LY6G6C: variants seen among roughly 807,000 people sequenced by gnomAD.
LY6G6C encodes the protein lymphocyte antigen 6 family member G6C, also known as lymphocyte antigen 6 complex locus protein G6c.
Under a neutral mutation model 12.8 loss-of-function variants are expected in LY6G6C, and 12 were observed. The observed-to-expected ratio is 0.94, with a 90% CI of 0.60 to 1.52. LY6G6C has a LOEUF of 1.52. LY6G6C is among the 40% of genes most tolerant of loss of function. The pLI is 0.00. For synonymous variants in LY6G6C, 42 were observed against 61.6 expected (o/e 0.68, Z 1.49); for missense variants, 125 against 155.8 (o/e 0.80, Z 1.05).
intron 2 of LY6G6C, among the ~76,000 whole-genome samples, chr6:31,719,613 T>G (rs1342312942): frequency 2.0e-5 from 3 of 152,166 alleles, no homozygotes; most frequent in Non-Finnish European, 4.4e-5. Flanking sequence ...CTCAGCTCAC[T>G]GCAACCTCCG....
chr6:31,720,037 C>A lies in LY6G6C; in HGVS notation c.163+56G>T. The A allele has an allele frequency of 7.9e-7, 1 of 1,261,302 alleles. No individual in the cohort carries two copies. The highest frequency in any genetic ancestry group is 1.2e-6 in the Non-Finnish European group (1 of 864,172). The allele number at this position is 1,261,302 out of a possible 1,614,324, so 78.1% of individuals were successfully genotyped here. On this transcript the variant is annotated intron_variant, in intron 2 of 2. Transcript: ENST00000375819. The surrounding 1 kb of genome is among the most constrained non-coding windows in gnomAD (Gnocchi z 4.9). ...GTCTTAGACCCATTTGGGCCTCAGT[C>A]CTGGTCATAGAGGCTCCCACCTCCC...
At position 31,718,891 on chromosome 6, in the gene LY6G6C, G is replaced by T; in HGVS notation, c.*205C>A. On this transcript the variant is annotated 3_prime_UTR_variant, in exon 3 of 3. Transcript: ENST00000375819. ...CCTTCTAGGAGCCAATGGAGGTCCT[G>T]GAAGGAAGTGGGAAGGGACCCAGAA... is the stretch of plus-strand genomic sequence containing the variant. 1.7e-6 allele frequency: 1 copy of T among 587,264 alleles called. No homozygotes were observed. The allele number at this position is 587,264 out of a possible 1,614,324, so 36.4% of individuals were successfully genotyped here. A position where few individuals can be genotyped will look rare whatever the true frequency, so the allele number is the denominator to read the frequency against.
chr6:31,719,356 C>T, intron 2 of LY6G6C, 46 bp from the exon 3 acceptor site: 1 of 1,562,182 alleles, frequency 6.4e-7, no homozygotes. Flanking sequence ...GGGCACCTGG[C>T]ATGCCTGTGT....
chr6:31,719,164 G>A lies in LY6G6C; in HGVS notation c.310C>T (p.Pro104Ser), dbSNP rs751425951. The A allele has an allele frequency of 6.2e-6, 10 of 1,613,992 alleles. No homozygotes were observed. The highest frequency in any genetic ancestry group is 4.0e-5 in the African/African-American group (3 of 74,892). ...AAGACAAGGCCCAGGGCTGGAGTGG[G>A]CCGGGGTCCTGCGCTGTTGCAGTTG... Reference protein sequence around the residue: ...KDNCNSAGPRPTPALGLVFLT... With the variant: ...KDNCNSAGPRSTPALGLVFLT... Residue 104 changes from proline (P) to serine (S), a missense_variant, in exon 3 of 3, where the codon CCC becomes TCC. Pro to Ser is a moderately conservative substitution (Grantham distance 74). Coordinates refer to ENST00000375819, the MANE Select transcript of LY6G6C (RefSeq NM_025261.3).
In LY6G6C at chr6:31,720,409, T is replaced by TTG. The variant is rs1469306293; in HGVS notation, c.53-208_53-207dup. ...GGCAGGTAAGGGTAGAGCTGTTGCTTTGTGAAAGGCCCACGCCCTACATAT... is the reference window on the plus strand; with the variant it reads ...GGCAGGTAAGGGTAGAGCTGTTGCTTTGTGTGAAAGGCCCACGCCCTACATAT... On this transcript the variant is annotated intron_variant, in intron 1 of 2. Coordinates refer to ENST00000375819, the MANE Select transcript of LY6G6C (RefSeq NM_025261.3). This position sits in a 1 kb window ranked among gnomAD's most constrained non-coding sequence, Gnocchi z 4.9. Among the ~76,000 whole-genome samples the TTG allele has an allele frequency of 2.0e-5, 3 of 152,096 alleles. No homozygotes were observed. Among genetic ancestry groups the TTG allele is most frequent in the African/African-American group, 7.2e-5 (3 of 41,404 alleles).
At chr6:31,721,525 G>A (rs1189814654) in intron 1 of LY6G6C, 103 bp downstream of exon 1, 3 of 1,028,384 alleles carry the variant, frequency 2.9e-6, no homozygotes, top group Non-Finnish European at 4.4e-6. Context: ...TGGGGCTGGG[G>A]GTGTTGGGAT....
Position 31,720,440 on chromosome 6 carries a change from A to G in LY6G6C, c.53-237T>C, listed in dbSNP as rs805294. On this transcript the variant is annotated intron_variant, in intron 1 of 2. Transcript: ENST00000375819. This position sits in a 1 kb window ranked among gnomAD's most constrained non-coding sequence, Gnocchi z 4.9. The stretch of plus-strand genomic sequence containing the variant: ...AAGGCCCACGCCCTACATATCTTCC[A>G]TCACTCCACCCCGTTTGGAGGTGAG... Among the ~76,000 whole-genome samples, 72,240 of 152,054 alleles carry G rather than the reference A, an allele frequency of 0.48. 18,799 individuals carry two copies. Among genetic ancestry groups the G allele is most frequent in the African/African-American group, 0.71 (29,249 of 41,442 alleles).
chr6:31,720,045 T>C lies in LY6G6C; in HGVS notation c.163+48A>G, dbSNP rs1806699507. The stretch of plus-strand genomic sequence containing the variant: ...CCCATTTGGGCCTCAGTCCTGGTCA[T>C]AGAGGCTCCCACCTCCCTGTTCACC... On this transcript the variant is annotated intron_variant, in intron 2 of 2. Transcript: ENST00000375819. This position sits in a 1 kb window ranked among gnomAD's most constrained non-coding sequence, Gnocchi z 4.9. 6 of 1,371,526 alleles carry C rather than the reference T, an allele frequency of 4.4e-6. No homozygotes were observed. The highest frequency in any genetic ancestry group is 2.9e-5 in the African/African-American group (2 of 70,104). 85.0% of individuals were successfully genotyped at this position (1,371,526 alleles called of 1,614,324 possible). A position where few individuals can be genotyped will look rare whatever the true frequency, so the allele number is the denominator to read the frequency against.
rs913621072 is a variant in LY6G6C, at chr6:31,720,152, T to G, written c.104A>C (p.Asp35Ala). ...TGGCTCCAGGCGGCAGGACTGCCGG[T>G]CCACACAGCCCAGCACAGGGACCTT... is the stretch of plus-strand genomic sequence containing the variant. ...CYKVPVLGCV[D>A]RQSCRLEPGQ... is the part of the protein sequence containing the mutation. The change falls in exon 2 of 3, where the codon GAC becomes GCC. Residue 35 changes from aspartate to alanine, a missense_variant. By Grantham distance (126) the Asp-to-Ala change is moderately radical. Transcript: ENST00000375819. This position sits in a 1 kb window ranked among gnomAD's most constrained non-coding sequence, Gnocchi z 4.9. 11 of 1,612,978 alleles carry G rather than the reference T, an allele frequency of 6.8e-6. No individual in the cohort carries two copies. In the African/African-American group the frequency reaches 1.5e-4, roughly 22 times the overall value.
At chr6:31,719,608 C>T (rs1336609846) in intron 2 of LY6G6C, among the ~76,000 whole-genome samples, 1 of 152,176 alleles carries the variant, frequency 6.6e-6, no homozygotes, top group African/African-American at 2.4e-5. Context: ...GCCATCTCAG[C>T]TCACTGCAAC....
intron 2 of LY6G6C, 142 bp downstream of exon 2, chr6:31,719,951 G>T (rs1806695137): frequency 4.9e-6 from 3 of 606,828 alleles, no homozygotes; most frequent in Non-Finnish European, 8.9e-6. Context: ...GATGTTGCCT[G>T]GCACACAACC....
At chr6:31,719,589 T>C (rs1371106679) in intron 2 of LY6G6C, among the ~76,000 whole-genome samples, 1 of 152,150 alleles carries the variant, frequency 6.6e-6, no homozygotes, top group Non-Finnish European at 1.5e-5. Context: ...CAGGCTGGAG[T>C]GCAGTGGTGC....
Position 31,721,727 on chromosome 6 carries a change from A to AT in LY6G6C, c.-49dup. 6.3e-7 allele frequency: 1 copy of AT among 1,598,926 alleles called. No individual in the cohort carries two copies. Among genetic ancestry groups the AT allele is most frequent in the Non-Finnish European group, 8.6e-7 (1 of 1,166,830 alleles). On this transcript the variant is annotated 5_prime_UTR_variant, in exon 1 of 3. Transcript: ENST00000375819. ...GCAACCACAGCAGCTGATAGAGTAGATTTTCAAGGATCCAGCTCTAGGAGT... is the reference window on the plus strand; with the variant it reads ...GCAACCACAGCAGCTGATAGAGTAGATTTTTCAAGGATCCAGCTCTAGGAGT...
At chr6:31,719,371 C>T (rs1806662387) in intron 2 of LY6G6C, 61 bp from the exon 3 acceptor site, 1 of 1,440,654 alleles carries the variant, frequency 6.9e-7, no homozygotes, top group African/African-American at 1.4e-5. Context: ...CTGTGTCCAC[C>T]TCCCCACCCC....
At chr6:31,719,782 CCACCT>C (rs1353968822) in intron 2 of LY6G6C, among the ~76,000 whole-genome samples, 3 of 152,226 alleles carry the variant, frequency 2.0e-5, no homozygotes, top group African/African-American at 4.8e-5. Context: ...AGTGATCCAA[CCACCT>C]TGGCCTCCCA....
rs1007471536 is a variant in LY6G6C at position 31,720,285 on chromosome 6, G to T, written c.53-82C>A. The T allele has an allele frequency of 1.2e-4, 119 of 960,546 alleles. No individual in the cohort carries two copies. The highest frequency in any genetic ancestry group is 8.9e-5 in the Non-Finnish European group (54 of 606,356). The allele number at this position is 960,546 out of a possible 1,614,324, so 59.5% of individuals were successfully genotyped here. On this transcript the variant is annotated intron_variant, in intron 1 of 2. Coordinates refer to ENST00000375819, the MANE Select transcript of LY6G6C (RefSeq NM_025261.3). This position sits in a 1 kb window ranked among gnomAD's most constrained non-coding sequence, Gnocchi z 4.9. ...GCTGAGCTGGGGGCAGGGGTGGAGGGTGGAGAAGAGCCCATCCCGTAGGTG... is the reference window on the plus strand; with the variant it reads ...GCTGAGCTGGGGGCAGGGGTGGAGGTTGGAGAAGAGCCCATCCCGTAGGTG...
chr6:31,721,510 C>T (rs1806781628), intron 1 of LY6G6C, 118 bp downstream of exon 1: 2 of 846,284 alleles, frequency 2.4e-6, no homozygotes, highest in East Asian at 5.2e-5. Context: ...GAGAGCTGAG[C>T]CAGTTGGGGC....
chr6:31,719,983 T>C lies in LY6G6C; in HGVS notation c.163+110A>G. ...AACCATCTTTGGCCAAATATTATCA[T>C]TGCTATAATCCTCTGCTTCTCCATC... is the stretch of plus-strand genomic sequence containing the variant. On this transcript the variant is annotated intron_variant, in intron 2 of 2. Coordinates refer to ENST00000375819, the MANE Select transcript of LY6G6C (RefSeq NM_025261.3). 7 of 697,450 alleles carry C rather than the reference T, an allele frequency of 1.0e-5. No individual in the cohort carries two copies. In the South Asian group the frequency reaches 1.3e-4, roughly 13 times the overall value. The allele number at this position is 697,450 out of a possible 1,614,324, so 43.2% of individuals were successfully genotyped here. A position where few individuals can be genotyped will look rare whatever the true frequency, so the allele number is the denominator to read the frequency against.
At chr6:31,721,308 G>T (rs968898698) in intron 1 of LY6G6C, among the ~76,000 whole-genome samples, 2 of 152,130 alleles carry the variant, frequency 1.3e-5, no homozygotes, top group Non-Finnish European at 2.9e-5. Flanking sequence ...TATTGAAGTG[G>T]GGCTGGTTGG....
Sources: gnomAD v4.1 joint callset for allele counts (sites outside exome capture counted in the v4.1 genomes callset) on GRCh38, gnomAD v4.1.1 for gene constraint, Gnocchi (gnomAD v3.1) non-coding constraint, MANE v1.5 for transcripts, NCBI Gene and HGNC (gene_info 2026-07-23, HGNC 2026-07-21) for gene names.